Variants in CCDC180 observed in about 807,000 individuals in gnomAD.
CCDC180 encodes the protein coiled-coil domain-containing protein 180.
Under a neutral mutation model 209.2 loss-of-function variants are expected in CCDC180, and 154 were observed. The observed-to-expected ratio is 0.74, with a 90% CI of 0.65 to 0.84. CCDC180 has a LOEUF of 0.84. Ranked by LOEUF, CCDC180 falls within the 40% of genes least tolerant of loss-of-function variation. The pLI is 0.00. For missense variants in CCDC180, 1,874 were observed against 1,997.3 expected, an observed-to-expected ratio of 0.94 and a Z score of 1.18; for synonymous variants, 778 against 749.1, an observed-to-expected ratio of 1.04 and a Z score of -0.63.
At chr9:97,354,373 A>T (rs1826505309) in intron 22 of CCDC180, among the ~76,000 whole-genome samples, 196 bp from the exon 23 acceptor site, 1 of 152,148 alleles carries the variant, frequency 6.6e-6, no homozygotes, top group African/African-American at 2.4e-5. Flanking sequence ...CTCCAACCTG[A>T]TGAACTGACA....
At chr9:97,333,125 A>G (rs766401025) in intron 18 of CCDC180, among the ~76,000 whole-genome samples, 1 of 152,118 alleles carries the variant, frequency 6.6e-6, no homozygotes, top group Non-Finnish European at 1.5e-5. Context: ...TGAGATAATC[A>G]TGTGGTTTTT....
intron 18 of CCDC180, 130 bp from the exon 19 acceptor site, chr9:97,343,210 T>G (rs1826138740): frequency 1.2e-5 from 7 of 579,596 alleles, no homozygotes; most frequent in Non-Finnish European, 2.1e-5. Flanking sequence ...CGAAAAAACC[T>G]AGGCAAGATT....
chr9:97,350,318 C>G, intron 21 of CCDC180, 91 bp from the exon 22 acceptor site: 1 of 1,294,546 alleles, frequency 7.7e-7, no homozygotes, highest in East Asian at 2.5e-5. Context: ...CCTCCCTTGT[C>G]CCTCAGGCTG....
chr9:97,357,554 A>G (rs374720170), intron 24 of CCDC180, 73 bp from the exon 25 acceptor site: 9 of 968,338 alleles, frequency 9.3e-6, no homozygotes, highest in Admixed American at 4.1e-5. Flanking sequence ...CTCAGATGGT[A>G]TGTTTCACAG....
chr9:97,312,012 A>T, intron 3 of CCDC180, 101 bp from the exon 4 acceptor site: 1 of 967,120 alleles, frequency 1.0e-6, no homozygotes, highest in Non-Finnish European at 1.6e-6. Context: ...GCTGCTGCCC[A>T]CAGTCCCTCT....
intron 9 of CCDC180, 77 bp downstream of exon 9, chr9:97,317,305 C>T: frequency 7.6e-7 from 1 of 1,307,940 alleles, no homozygotes; most frequent in East Asian, 2.7e-5. Flanking sequence ...TTCTCCCTCA[C>T]TTTTTGCCAT....
At chr9:97,354,801 C>T (rs1826526709) in intron 23 of CCDC180, 88 bp downstream of exon 23, 2 of 1,577,660 alleles carry the variant, frequency 1.3e-6, no homozygotes, top group Non-Finnish European at 8.7e-7. Flanking sequence ...GCCCTCCATC[C>T]AACCATTCAC....
chr9:97,350,349 C>T, intron 21 of CCDC180, 60 bp from the exon 22 acceptor site: 1 of 1,506,154 alleles, frequency 6.6e-7, no homozygotes, highest in South Asian at 1.2e-5. Context: ...CCACCTGCCC[C>T]TCCCTTGTCC....
rs1827293614 is a variant in CCDC180, at chr9:97,377,624, T to C, written c.*730T>C. On this transcript the variant is annotated 3_prime_UTR_variant, in exon 37 of 37. Coordinates refer to ENST00000529487, the MANE Select transcript of CCDC180 (RefSeq NM_020893.6). ...CCTGAAAGCTGTGTGACCCTCCAAG[T>C]GCAGTTCCCTCACCTGGGGACACTC... The C allele has an allele frequency of 6.6e-6, 1 of 152,272 alleles. No individual in the cohort carries two copies. The allele number at this position is 152,272 out of a possible 1,614,324, so 9.4% of individuals were successfully genotyped here. A position where few individuals can be genotyped will look rare whatever the true frequency, so the allele number is the denominator to read the frequency against.
intron 11 of CCDC180, among the ~76,000 whole-genome samples, chr9:97,321,404 T>C (rs1207898309): frequency 1.3e-5 from 2 of 152,170 alleles, no homozygotes; most frequent in Non-Finnish European, 1.5e-5. Flanking sequence ...TGTCCTCTTG[T>C]AGTAAGAGAA....
rs753867448 is a variant in CCDC180 at position 97,361,868 on chromosome 9, C to T, written c.3626C>T (p.Pro1209Leu). 6.2e-7 allele frequency: 1 copy of T among 1,614,146 alleles called. No individual in the cohort carries two copies. Among genetic ancestry groups the T allele is most frequent in the East Asian group, 2.2e-5 (1 of 44,880 alleles). The change falls in exon 27 of 37, where the codon CCA becomes CTA. Residue 1209 changes from proline (P) to leucine (L), a missense_variant. Coordinates refer to ENST00000529487, the MANE Select transcript of CCDC180 (RefSeq NM_020893.6). ...SRVGKPLIED[P>L]AVDVIRKLLQ... ...GTGGGGAAGCCCCTGATTGAGGACCCAGCTGTGGATGTGATCAGGAAGCTC... is the reference window on the plus strand; with the variant it reads ...GTGGGGAAGCCCCTGATTGAGGACCTAGCTGTGGATGTGATCAGGAAGCTC...
rs752720060 is a variant in CCDC180 at position 97,365,701 on chromosome 9, C to G, written c.4009C>G (p.Leu1337Val). The G allele has an allele frequency of 6.2e-7, 1 of 1,614,156 alleles. No individual in the cohort carries two copies. The highest frequency in any genetic ancestry group is 1.1e-5 in the South Asian group (1 of 91,082). The change falls in exon 30 of 37, where the codon CTC becomes GTC. Residue 1337 changes from leucine to valine, a missense_variant. Leu to Val is a conservative substitution (Grantham distance 32). Coordinates refer to ENST00000529487, the MANE Select transcript of CCDC180 (RefSeq NM_020893.6). The part of the protein sequence containing the change: ...EDFKGIILTL[L>V]WESSENLLTV... The stretch of plus-strand genomic sequence containing the variant: ...TTTTAAGGGGATCATCTTGACCCTC[C>G]TCTGGGAGAGCAGTGAGAACCTGCT...
chr9:97,345,326 T>A (rs1472836135), intron 19 of CCDC180, among the ~76,000 whole-genome samples: 1 of 152,212 alleles, frequency 6.6e-6, no homozygotes, highest in Non-Finnish European at 1.5e-5. Context: ...AGTTTTACAG[T>A]TTATAACAGC....
In CCDC180 at chr9:97,370,229, C is replaced by T. The variant is rs1181391161; in HGVS notation, c.4350+147C>T. 3.5e-6 allele frequency: 3 copies of T among 854,136 alleles called. No individual in the cohort carries two copies. The East Asian group carries it at 8.0e-5, about 23-fold the overall frequency. 52.9% of individuals were successfully genotyped at this position (854,136 alleles called of 1,614,324 possible). ...TGGATGGGGGCTGAGGGACAGGAGC[C>T]ATTGGCGAAATAAGAACTGAGCCAA... is the stretch of plus-strand genomic sequence containing the variant. On this transcript the variant is annotated intron_variant, in intron 32 of 36. Coordinates refer to ENST00000529487, the MANE Select transcript of CCDC180 (RefSeq NM_020893.6).
chr9:97,310,345 T>C (rs1461091384), intron 3 of CCDC180, among the ~76,000 whole-genome samples: 4 of 152,170 alleles, frequency 2.6e-5, no homozygotes. Context: ...AGAGAGCTCC[T>C]GAGAGCCCTT....
intron 11 of CCDC180, among the ~76,000 whole-genome samples, chr9:97,321,862 A>C (rs535467676): frequency 6.6e-6 from 1 of 152,332 alleles, no homozygotes; most frequent in East Asian, 1.9e-4. Flanking sequence ...CATTCCAAGC[A>C]GGGATACAGT....
In CCDC180 at chr9:97,320,013, T is replaced by C. The variant is rs528956724; in HGVS notation, c.1080-113T>C. 4.8e-4 allele frequency: 396 copies of C among 821,722 alleles called. 8 individuals are homozygous for C. The South Asian group carries it at 5.6e-3, about 12-fold the overall frequency. 50.9% of individuals were successfully genotyped at this position (821,722 alleles called of 1,614,324 possible). On this transcript the variant is annotated intron_variant, in intron 10 of 36. Transcript: ENST00000529487. ...AAATCCCCAGCAGTTCCCTTTGTTC[T>C]TCAGTGTTTAAATCCATGATTTTCT... is the stretch of plus-strand genomic sequence containing the variant.
chr9:97,361,872 T>C lies in CCDC180; in HGVS notation c.3630T>C (p.Ala1210=), dbSNP rs1029428927. Residue 1210 remains alanine (A), a synonymous_variant, in exon 27 of 37, where the codon GCT becomes GCC. Coordinates refer to ENST00000529487, the MANE Select transcript of CCDC180 (RefSeq NM_020893.6). ...GGAAGCCCCTGATTGAGGACCCAGC[T>C]GTGGATGTGATCAGGAAGCTCCTGC... is the stretch of plus-strand genomic sequence containing the variant. ...RVGKPLIEDP[A]VDVIRKLLQL... The C allele has an allele frequency of 2.5e-6, 4 of 1,614,006 alleles. No individual in the cohort carries two copies. The African/African-American group carries it at 5.3e-5, about 22-fold the overall frequency.
In CCDC180 at chr9:97,319,980, G is replaced by T. The variant is rs78758710; in HGVS notation, c.1080-146G>T. ...GACCTTTCAGCCATGTCATGTTTTGGCACCAGGAAATCCCCAGCAGTTCCC... is the reference window on the plus strand; with the variant it reads ...GACCTTTCAGCCATGTCATGTTTTGTCACCAGGAAATCCCCAGCAGTTCCC... On this transcript the variant is annotated intron_variant, in intron 10 of 36. Transcript: ENST00000529487. The T allele has an allele frequency of 6.0e-4, 409 of 678,674 alleles. 2 individuals are homozygous for T. In the African/African-American group the frequency reaches 6.2e-3, roughly 10 times the overall value. 42.0% of individuals were successfully genotyped at this position (678,674 alleles called of 1,614,324 possible).
Sources: allele counts gnomAD v4.1 joint callset (sites outside exome capture counted in the v4.1 genomes callset), GRCh38; gene constraint gnomAD v4.1.1; transcripts MANE v1.5; gene names NCBI Gene and HGNC (gene_info 2026-07-23, HGNC 2026-07-21).